The following TNFRSF11A variants were observed in gnomAD, a reference collection of about 807,000 sequenced individuals.
The protein encoded by TNFRSF11A is tumor necrosis factor receptor superfamily member 11A.
In TNFRSF11A, 32 loss-of-function variants were observed where a neutral mutation model predicts 55.7. The observed-to-expected ratio is 0.57, with a 90% CI of 0.43 to 0.77. TNFRSF11A has a LOEUF of 0.77. Among genes scored for constraint, TNFRSF11A ranks in the 30% least tolerant of loss-of-function variants. The pLI, the probability that TNFRSF11A is intolerant of heterozygous loss-of-function variation, is 0.00. For missense variants in TNFRSF11A, 753 were observed against 809.8 expected (o/e 0.93, Z 0.85); for synonymous variants, 311 against 331.0 (o/e 0.94, Z 0.65).
chr18:62,348,702 G>A (rs11877530), intron 2 of TNFRSF11A, among the ~76,000 whole-genome samples: 17,221 of 152,210 alleles, frequency 0.11, 2,222 homozygotes, highest in African/African-American at 0.3. Context: ...TACCTGTTGA[G>A]GAGCAGAAGG....
chr18:62,331,587 G>A (rs534825680), intron 1 of TNFRSF11A, among the ~76,000 whole-genome samples: 12 of 152,314 alleles, frequency 7.9e-5, no homozygotes, highest in Admixed American at 2.0e-4. Context: ...GAAGTTCAGC[G>A]TAGAGACAGA....
intron 2 of TNFRSF11A, among the ~76,000 whole-genome samples, chr18:62,348,950 C>T (rs1033536902): frequency 6.6e-6 from 1 of 152,154 alleles, no homozygotes; most frequent in Non-Finnish European, 1.5e-5. Flanking sequence ...TGGGGCGCAG[C>T]GTGACACTTG....
chr18:62,361,627 G>A, intron 6 of TNFRSF11A, 53 bp from the exon 7 acceptor site: 1 of 1,522,164 alleles, frequency 6.6e-7, no homozygotes. Flanking sequence ...TTTTTCAACT[G>A]CGTAAAATTA....
At chr18:62,326,906 G>C (rs1343964888) in intron 1 of TNFRSF11A, among the ~76,000 whole-genome samples, 1 of 152,126 alleles carries the variant, frequency 6.6e-6, no homozygotes, top group Non-Finnish European at 1.5e-5. Context: ...ACTAACAGGA[G>C]AAAAACTGTA....
In TNFRSF11A at chr18:62,366,720, A is replaced by C. The variant is rs1464169269; in HGVS notation, c.743A>C (p.His248Pro). 6.2e-7 allele frequency: 1 copy of C among 1,614,218 alleles called. No individual in the cohort carries two copies. Among genetic ancestry groups the C allele is most frequent in the Admixed American group, 1.7e-5 (1 of 60,026 alleles). The change falls in exon 8 of 10, where the codon CAC (histidine) becomes CCC (proline). Residue 248 changes from histidine to proline, a missense_variant. His to Pro is a moderately conservative substitution (Grantham distance 77, BLOSUM62 -2). This residue lies in a region of TNFRSF11A where 567 missense variants were observed against 596.7 expected (regional missense o/e 0.95). Coordinates refer to ENST00000586569, the MANE Select transcript of TNFRSF11A (RefSeq NM_003839.4). ...TTGTGTTTTCTAGCTAATTTGTGGC[A>C]CTGGATCAATGAGGCTTGTGGCCGC... ...KGKALTANLW[H>P]WINEACGRLS...
intron 2 of TNFRSF11A, among the ~76,000 whole-genome samples, chr18:62,349,338 C>T (rs929652731): frequency 4.6e-5 from 7 of 151,970 alleles, no homozygotes; most frequent in African/African-American, 9.7e-5. Context: ...CCTGCCACCA[C>T]GCCTGGCTGA....
At chr18:62,381,254 A>G (rs569460377) in intron 9 of TNFRSF11A, among the ~76,000 whole-genome samples, 1 of 152,376 alleles carries the variant, frequency 6.6e-6, no homozygotes, top group African/African-American at 2.4e-5. Flanking sequence ...TATCAGTATC[A>G]AAGATACTGT....
chr18:62,388,206 T>A lies in TNFRSF11A; in HGVS notation c.*3172T>A, dbSNP rs1428226741. ...GCCTGGTTTGCTTACCCATTTACAA[T>A]GACCCGGCTAGTTGGCCGGGCCAGG... On this transcript the variant is annotated 3_prime_UTR_variant, in exon 10 of 10. Coordinates refer to ENST00000586569, the MANE Select transcript of TNFRSF11A (RefSeq NM_003839.4). 6.6e-6 allele frequency: 1 copy of A among 152,280 alleles called. No individual in the cohort carries two copies. Among genetic ancestry groups the A allele is most frequent in the Non-Finnish European group, 1.5e-5 (1 of 68,054 alleles). The allele number at this position is 152,280 out of a possible 1,614,324, so 9.4% of individuals were successfully genotyped here.
intron 1 of TNFRSF11A, among the ~76,000 whole-genome samples, chr18:62,346,065 C>T (rs2046379061): frequency 6.6e-6 from 1 of 152,208 alleles, no homozygotes; most frequent in Non-Finnish European, 1.5e-5. Flanking sequence ...TAAGCAGCTA[C>T]TTCAGGGATA....
In TNFRSF11A at chr18:62,384,890, G is replaced by A. The variant is rs767006526; in HGVS notation, c.1707G>A (p.Pro569=). ...AAAAAEPMGR[P]VQEETLARRD... ...CGGCTGCGGAGCCCATGGGCCGCCCGGTGCAGGAGGAGACCCTGGCGCGCC... is the reference window on the plus strand; with the variant it reads ...CGGCTGCGGAGCCCATGGGCCGCCCAGTGCAGGAGGAGACCCTGGCGCGCC... The change falls in exon 10 of 10, where the codon CCG becomes CCA. Residue 569 remains proline, a synonymous_variant. Coordinates refer to ENST00000586569, the MANE Select transcript of TNFRSF11A (RefSeq NM_003839.4). 18 of 1,587,104 alleles carry A rather than the reference G, an allele frequency of 1.1e-5. No homozygotes were observed. The highest frequency in any genetic ancestry group is 1.3e-5 in the Non-Finnish European group (15 of 1,167,212).
At chr18:62,334,743 A>G (rs1051099482) in intron 1 of TNFRSF11A, among the ~76,000 whole-genome samples, 8 of 152,158 alleles carry the variant, frequency 5.3e-5, no homozygotes, top group Non-Finnish European at 1.0e-4. Flanking sequence ...ACACTTTCTA[A>G]GTAGTAAGAG....
chr18:62,331,897 G>A lies in TNFRSF11A; in HGVS notation c.75+6470G>A, dbSNP rs2046160253. On this transcript the variant is annotated intron_variant, in intron 1 of 9. Transcript: ENST00000586569. ...AAATCCTGACCCAGCAGGTGACACGGAGGCCCGTCTGGCACCAGCAAAGGG... is the reference window on the plus strand; with the variant it reads ...AAATCCTGACCCAGCAGGTGACACGAAGGCCCGTCTGGCACCAGCAAAGGG... Among the ~76,000 whole-genome samples the A allele has an allele frequency of 2.0e-5, 3 of 152,196 alleles. No homozygotes were observed. In the South Asian group the frequency reaches 6.2e-4, roughly 31 times the overall value.
intron 7 of TNFRSF11A, among the ~76,000 whole-genome samples, chr18:62,363,872 C>T (rs1022956615): frequency 3.3e-5 from 5 of 152,198 alleles, no homozygotes; most frequent in Non-Finnish European, 7.3e-5. Context: ...ATTTTACTGC[C>T]ATATGGGCCT....
chr18:62,329,845 G>T (rs2046125810), intron 1 of TNFRSF11A, among the ~76,000 whole-genome samples: 1 of 152,300 alleles, frequency 6.6e-6, no homozygotes, highest in Non-Finnish European at 1.5e-5. Flanking sequence ...GACTGGTGCT[G>T]CTGTTCTCAC....
intron 2 of TNFRSF11A, among the ~76,000 whole-genome samples, chr18:62,349,162 A>G (rs1600375883): frequency 7.2e-6 from 1 of 139,100 alleles, no homozygotes. Context: ...TCATCATTCT[A>G]TTCCTTTTTT....
intron 5 of TNFRSF11A, among the ~76,000 whole-genome samples, chr18:62,359,201 C>T (rs1909490659): frequency 6.6e-6 from 1 of 152,016 alleles, no homozygotes; most frequent in Non-Finnish European, 1.5e-5. Context: ...GCCTGGGCAA[C>T]ATAGCAAGAC....
intron 1 of TNFRSF11A, among the ~76,000 whole-genome samples, chr18:62,341,352 A>C (rs1477238703): frequency 6.6e-6 from 1 of 152,254 alleles, no homozygotes; most frequent in Non-Finnish European, 1.5e-5. Context: ...TTGTCCTGCT[A>C]AAATACTCTG....
At chr18:62,358,063 G>A (rs1909397584) in intron 4 of TNFRSF11A, 185 bp from the exon 5 acceptor site, 2 of 617,078 alleles carry the variant, frequency 3.2e-6, no homozygotes, top group African/African-American at 3.7e-5. Context: ...ACTGCTCTGT[G>A]GGCCCAAGCC....
chr18:62,354,427 C>T lies in TNFRSF11A; in HGVS notation c.320C>T (p.Thr107Met). The T allele has an allele frequency of 6.3e-7, 1 of 1,594,776 alleles. No individual in the cohort carries two copies. Among genetic ancestry groups the T allele is most frequent in the Non-Finnish European group, 8.5e-7 (1 of 1,176,314 alleles). Residue 107 changes from threonine to methionine, a missense_variant, in exon 4 of 10, where the codon ACG (threonine) becomes ATG (methionine). Physicochemically the swap from Thr to Met is moderately conservative, Grantham distance 81. Coordinates refer to ENST00000586569, the MANE Select transcript of TNFRSF11A (RefSeq NM_003839.4). ...ALVAVVAGNS[T>M]TPRRCACTAG... Reference sequence around the variant, plus strand: ...GTGGCCGTGGTCGCCGGCAACAGCACGACCCCCCGGCGCTGCGCGTGCACG... The same window carrying T: ...GTGGCCGTGGTCGCCGGCAACAGCATGACCCCCCGGCGCTGCGCGTGCACG...
Sources: gnomAD v4.1 joint callset for allele counts (sites outside exome capture counted in the v4.1 genomes callset) on GRCh38, gnomAD v4.1.1 for gene constraint, gnomAD v4.1.1 regional missense constraint, MANE v1.5 for transcripts, NCBI Gene and HGNC (gene_info 2026-07-23, HGNC 2026-07-21) for gene names.